Variants in FRA10AC1 observed in about 807,000 individuals in gnomAD.
FRA10AC1 encodes FRA10A associated CGG repeat 1.
Under a neutral mutation model 56.5 loss-of-function variants are expected in FRA10AC1, and 43 were observed. The ratio of observed to expected loss-of-function variants is 0.76; its 90% CI spans 0.60 to 0.98. FRA10AC1 has a LOEUF of 0.98. FRA10AC1 is among the 50% of genes least tolerant of loss of function. The pLI is 0.00. For missense variants in FRA10AC1, 346 were observed against 351.8 expected (o/e 0.98, Z 0.13); for synonymous variants, 112 against 110.5 (o/e 1.01, Z -0.09).
At chr10:93,702,272 C>A (rs12241380) in intron 1 of FRA10AC1, 103 bp downstream of exon 1, 2,180 of 151,518 alleles carry the variant, frequency 0.014, 56 homozygotes, top group African/African-American at 0.049. Context: ...AAAAACCAAA[C>A]CAAAACAAAA....
At chr10:93,676,718 T>G in intron 11 of FRA10AC1, 27 bp from the exon 12 acceptor site, 4 of 1,554,812 alleles carry the variant, frequency 2.6e-6, no homozygotes, top group Non-Finnish European at 3.5e-6. Context: ...ATTGATTTAT[T>G]AACTATCATC....
chr10:93,697,976 G>C (rs1044443380), intron 4 of FRA10AC1, among the ~76,000 whole-genome samples, 160 bp downstream of exon 4: 3 of 151,906 alleles, frequency 2.0e-5, no homozygotes, highest in African/African-American at 7.2e-5. Context: ...TAGTAAAAGA[G>C]AATTGTACCC....
intron 11 of FRA10AC1, among the ~76,000 whole-genome samples, 169 bp downstream of exon 11, chr10:93,681,311 A>C (rs1460533597): frequency 6.6e-6 from 1 of 152,178 alleles, no homozygotes; most frequent in African/African-American, 2.4e-5. Context: ...GGAGTTCTTA[A>C]AACTCCTGTA....
In FRA10AC1 at chr10:93,688,413, T is replaced by C. The variant is rs140335169; in HGVS notation, c.466-964A>G. ...TTTAGGGCAGTGCAAGTATTCTCTATGGTACTATAATGGTAGACACACGTC... is the reference window on the plus strand; with the variant it reads ...TTTAGGGCAGTGCAAGTATTCTCTACGGTACTATAATGGTAGACACACGTC... On this transcript the variant is annotated intron_variant, in intron 7 of 13. Coordinates refer to ENST00000359204, the MANE Select transcript of FRA10AC1 (RefSeq NM_145246.5). Among the ~76,000 whole-genome samples, 27 of 152,264 alleles carry C rather than the reference T, an allele frequency of 1.8e-4. 1 individual carries two copies. The East Asian group carries it at 5.2e-3, about 29-fold the overall frequency.
At chr10:93,683,912 T>C (rs765586709) in intron 10 of FRA10AC1, 144 bp downstream of exon 10, 9 of 609,180 alleles carry the variant, frequency 1.5e-5, no homozygotes, top group African/African-American at 3.7e-5. Flanking sequence ...CTCGTTTATG[T>C]AGCCATACGA....
At chr10:93,682,954 A>G (rs1441034455) in intron 10 of FRA10AC1, among the ~76,000 whole-genome samples, 1 of 152,224 alleles carries the variant, frequency 6.6e-6, no homozygotes, top group East Asian at 1.9e-4. Context: ...ATGTGATTAA[A>G]AAAAAGAAAG....
chr10:93,669,794 A>G lies in FRA10AC1; in HGVS notation c.*32T>C. 1 of 1,455,032 alleles carries G rather than the reference A, an allele frequency of 6.9e-7. No homozygotes were observed. The highest frequency in any genetic ancestry group is 9.5e-7 in the Non-Finnish European group (1 of 1,056,564). The allele number at this position is 1,455,032 out of a possible 1,614,324, so 90.1% of individuals were successfully genotyped here. ...GAAGTTTAAAACTTCATGAAGTTTC[A>G]CATTAAGGAGCGGAGGCTTCTCTCT... On this transcript the variant is annotated 3_prime_UTR_variant, in exon 14 of 14. Transcript: ENST00000359204.
intron 11 of FRA10AC1, among the ~76,000 whole-genome samples, chr10:93,680,740 G>A (rs1314488999): frequency 5.9e-5 from 9 of 152,152 alleles, no homozygotes; most frequent in Admixed American, 4.6e-4. Flanking sequence ...GCAACTAGAA[G>A]TAACCTTCAT....
At chr10:93,695,102 T>C (rs1327082012) in intron 4 of FRA10AC1, among the ~76,000 whole-genome samples, 165 bp from the exon 5 acceptor site, 1 of 152,130 alleles carries the variant, frequency 6.6e-6, no homozygotes, top group African/African-American at 2.4e-5. Context: ...GAAGGGTATA[T>C]ATTAAATTGT....
chr10:93,692,877 A>C (rs1158096912), intron 5 of FRA10AC1, 148 bp from the exon 6 acceptor site: 3 of 500,952 alleles, frequency 6.0e-6, no homozygotes, highest in Non-Finnish European at 1.0e-5. Context: ...ACATATTTAT[A>C]AAAATATTTC....
chr10:93,691,896 A>G (rs1253622485), intron 7 of FRA10AC1, 113 bp downstream of exon 7: 1 of 1,168,874 alleles, frequency 8.6e-7, no homozygotes, highest in East Asian at 3.2e-5. Context: ...ACGCAGGACA[A>G]CTGAGTCTAG....
rs60832838 is a variant in FRA10AC1, at chr10:93,702,522, A to ACCACCACCGCCG, written c.-149_-148insCGGCGGTGGTGG. The ACCACCACCGCCG allele has an allele frequency of 2.5e-4, 54 of 216,026 alleles. 2 individuals carry two copies. Among genetic ancestry groups the ACCACCACCGCCG allele is most frequent in the African/African-American group, 1.1e-3 (45 of 41,020 alleles). 13.4% of individuals were successfully genotyped at this position (216,026 alleles called of 1,614,324 possible). ...GCCGCACAGCCTCGCCACAACCACC[A>ACCACCACCGCCG]CCGCCGCCGCCGCCGCCGCCGCCGC... On this transcript the variant is annotated 5_prime_UTR_variant, in exon 1 of 14. Coordinates refer to ENST00000359204, the MANE Select transcript of FRA10AC1 (RefSeq NM_145246.5).
chr10:93,693,612 C>T (rs1356874011), intron 5 of FRA10AC1, among the ~76,000 whole-genome samples: 2 of 137,520 alleles, frequency 1.5e-5, no homozygotes, highest in Non-Finnish European at 3.1e-5. Flanking sequence ...TATATACACA[C>T]CATATATATA....
At chr10:93,692,794 T>C in intron 5 of FRA10AC1, 65 bp from the exon 6 acceptor site, 4 of 1,008,052 alleles carry the variant, frequency 4.0e-6, no homozygotes, top group Non-Finnish European at 5.8e-6. Context: ...GTTAAATAGC[T>C]CTGTGAGTTT....
intron 12 of FRA10AC1, chr10:93,673,122 C>G (rs139102042): frequency 6.4e-6 from 2 of 311,330 alleles, no homozygotes; most frequent in South Asian, 5.5e-5. Flanking sequence ...CTGGAACACT[C>G]GCTACTCCAG....
intron 1 of FRA10AC1, among the ~76,000 whole-genome samples, chr10:93,700,536 T>C (rs1294833340): frequency 6.6e-6 from 1 of 152,254 alleles, no homozygotes; most frequent in Non-Finnish European, 1.5e-5. Flanking sequence ...TAGAAAGTTA[T>C]CTTCATTTAG....
upstream of FRA10AC1, chr10:93,702,674 G>T: frequency 4.4e-6 from 1 of 224,754 alleles, no homozygotes; most frequent in South Asian, 4.9e-5. Context: ...GAACAGCTCC[G>T]GGAAACAAGG....
chr10:93,683,810 A>T (rs565825953), intron 10 of FRA10AC1, among the ~76,000 whole-genome samples: 6 of 152,282 alleles, frequency 3.9e-5, no homozygotes, highest in African/African-American at 1.4e-4. Flanking sequence ...TTGGCTCCAA[A>T]CTAAAAATTC....
intron 7 of FRA10AC1, 94 bp downstream of exon 7, chr10:93,691,915 T>C: frequency 1.5e-6 from 2 of 1,300,994 alleles, no homozygotes; most frequent in Non-Finnish European, 1.0e-6. Flanking sequence ...AGAATTAGCA[T>C]CTTTAAAAGA....
Sources: allele counts gnomAD v4.1 joint callset (sites outside exome capture counted in the v4.1 genomes callset), GRCh38; gene constraint gnomAD v4.1.1; transcripts MANE v1.5; gene names NCBI Gene and HGNC (gene_info 2026-07-23, HGNC 2026-07-21).